ADAM9: variants seen among roughly 807,000 people sequenced by gnomAD.
ADAM9 encodes the protein disintegrin and metalloproteinase domain-containing protein 9.
Under a neutral mutation model 108.1 loss-of-function variants are expected in ADAM9, and 54 were observed. The observed-to-expected ratio is 0.50, with a 90% CI of 0.40 to 0.63. ADAM9 has a LOEUF of 0.63. ADAM9 is among the 20% of genes least tolerant of loss of function. The probability of loss-of-function intolerance (pLI) is 0.00; values close to 1 mark genes in which losing one functional copy is unlikely to be tolerated. For synonymous variants in ADAM9, 316 were observed against 336.0 expected, an observed-to-expected ratio of 0.94 and a Z score of 0.65; for missense variants, 830 against 997.7, an observed-to-expected ratio of 0.83 and a Z score of 2.26.
At chr8:39,049,312 A>G (rs547544341) in intron 12 of ADAM9, among the ~76,000 whole-genome samples, 1 of 152,212 alleles carries the variant, frequency 6.6e-6, no homozygotes, top group Admixed American at 6.5e-5. Context: ...AGTATTTTTA[A>G]GCTGATAACA....
rs111473491 is a variant in ADAM9 at position 39,103,795 on chromosome 8, C to T, written c.*95C>T. Reference sequence around the variant, plus strand: ...TTCTTGAAAAGCCTTTCTGTTGCAACTATGAATGAAAACAAAACACCACAA... The same window carrying T: ...TTCTTGAAAAGCCTTTCTGTTGCAATTATGAATGAAAACAAAACACCACAA... On this transcript the variant is annotated 3_prime_UTR_variant, in exon 22 of 22. Coordinates refer to ENST00000487273, the MANE Select transcript of ADAM9 (RefSeq NM_003816.3). 2 of 1,218,074 alleles carry T rather than the reference C, an allele frequency of 1.6e-6. No individual in the cohort carries two copies. The highest frequency in any genetic ancestry group is 2.5e-5 in the South Asian group (2 of 81,570). The allele number at this position is 1,218,074 out of a possible 1,614,324, so 75.5% of individuals were successfully genotyped here.
intron 14 of ADAM9, among the ~76,000 whole-genome samples, chr8:39,063,822 C>T (rs1203858403): frequency 6.6e-6 from 1 of 152,132 alleles, no homozygotes; most frequent in East Asian, 1.9e-4. Context: ...GATCCAGTTC[C>T]TTATTGATCA....
intron 11 of ADAM9, among the ~76,000 whole-genome samples, chr8:39,033,032 A>C (rs1025003144): frequency 6.6e-5 from 10 of 152,302 alleles, no homozygotes; most frequent in African/African-American, 2.4e-4. Context: ...TGACATCTTA[A>C]TATTGAGTCT....
At chr8:39,101,824 C>G in intron 20 of ADAM9, 39 bp from the exon 21 acceptor site, 1 of 1,453,458 alleles carries the variant, frequency 6.9e-7, no homozygotes, top group Non-Finnish European at 9.6e-7. Context: ...TATTTATGAG[C>G]ACATAGTGGT....
At chr8:39,066,095 G>A (rs1384182926) in intron 14 of ADAM9, among the ~76,000 whole-genome samples, 4 of 152,154 alleles carry the variant, frequency 2.6e-5, no homozygotes, top group African/African-American at 9.7e-5. Flanking sequence ...CCTTTTTCAT[G>A]GCTGCATAAT....
At chr8:39,071,243 A>C in intron 14 of ADAM9, 55 bp from the exon 15 acceptor site, 1 of 1,549,572 alleles carries the variant, frequency 6.5e-7, no homozygotes, top group Non-Finnish European at 8.9e-7. Context: ...CTTTTATTTC[A>C]AAAGCTAAAT....
At chr8:39,055,094 G>T (rs2129438726) in intron 13 of ADAM9, among the ~76,000 whole-genome samples, 1 of 152,046 alleles carries the variant, frequency 6.6e-6, no homozygotes, top group Non-Finnish European at 1.5e-5. Context: ...TTGTATAGTT[G>T]TACCATAATT....
intron 20 of ADAM9, among the ~76,000 whole-genome samples, chr8:39,100,931 C>T (rs1483869947): frequency 6.6e-6 from 1 of 152,178 alleles, no homozygotes; most frequent in Admixed American, 6.5e-5. Flanking sequence ...TATACAGTTT[C>T]ACTTTGTTGT....
In ADAM9 at chr8:39,040,710, A is replaced by G. The variant is rs528381404; in HGVS notation, c.1131-1236A>G. Among the ~76,000 whole-genome samples the G allele has an allele frequency of 8.4e-4, 128 of 152,312 alleles. 1 individual carries two copies. Among genetic ancestry groups the G allele is most frequent in the African/African-American group, 3.0e-3 (123 of 41,568 alleles). ...TGCAGAGCTTTTTAGTTTGATAGCT[A>G]TAGTAATCAAAACAGCATGGTAGTG... On this transcript the variant is annotated intron_variant, in intron 11 of 21. Coordinates refer to ENST00000487273, the MANE Select transcript of ADAM9 (RefSeq NM_003816.3).
At chr8:38,998,984 T>C (rs1835915097) in intron 1 of ADAM9, among the ~76,000 whole-genome samples, 1 of 151,944 alleles carries the variant, frequency 6.6e-6, no homozygotes, top group African/African-American at 2.4e-5. Flanking sequence ...CTAATCTCAT[T>C]TTCTGTTAAG....
chr8:39,022,623 A>G (rs1282348117), intron 8 of ADAM9, among the ~76,000 whole-genome samples: 1 of 152,150 alleles, frequency 6.6e-6, no homozygotes, highest in Non-Finnish European at 1.5e-5. Flanking sequence ...AGTTTGTCAG[A>G]TTTTAGAATA....
intron 12 of ADAM9, among the ~76,000 whole-genome samples, chr8:39,045,095 TGTGTGTGTGC>T (rs1837614431): frequency 7.9e-5 from 2 of 25,332 alleles, no homozygotes; most frequent in African/African-American, 3.5e-4. Context: ...TACATACATA[TGTGTGTGTGC>T]ATACATACAT....
At chr8:39,004,312 C>G (rs1184479286) in intron 1 of ADAM9, among the ~76,000 whole-genome samples, 2 of 151,804 alleles carry the variant, frequency 1.3e-5, no homozygotes, top group African/African-American at 4.8e-5. Flanking sequence ...CTCCCAGGCT[C>G]AGGTGATCCT....
chr8:39,042,356 T>A (rs1187683479), intron 12 of ADAM9, among the ~76,000 whole-genome samples: 1 of 152,218 alleles, frequency 6.6e-6, no homozygotes, highest in African/African-American at 2.4e-5. Flanking sequence ...ATTCTCTACT[T>A]TTTTAATGCT....
At chr8:39,063,759 A>G (rs972701017) in intron 14 of ADAM9, among the ~76,000 whole-genome samples, 1 of 152,194 alleles carries the variant, frequency 6.6e-6, no homozygotes, top group African/African-American at 2.4e-5. Context: ...TTTAGAGCTC[A>G]GTGTACCCAG....
Position 39,103,695 on chromosome 8 carries a change from A to G in ADAM9, c.2455A>G (p.Thr819Ala). ...APAPPLYSSL[T>A] ...TGCACCTCCTTTATATAGTTCCCTCACTTGATTTTTTTAACCTTCTTTTTG... is the reference window on the plus strand; with the variant it reads ...TGCACCTCCTTTATATAGTTCCCTCGCTTGATTTTTTTAACCTTCTTTTTG... The change falls in exon 22 of 22, where the codon ACT becomes GCT. Residue 819 changes from threonine to alanine, a missense_variant. Physicochemically the swap from Thr to Ala is moderately conservative, Grantham distance 58. Transcript: ENST00000487273. The G allele has an allele frequency of 1.2e-6, 2 of 1,612,994 alleles. No individual in the cohort carries two copies. Among genetic ancestry groups the G allele is most frequent in the Non-Finnish European group, 1.7e-6 (2 of 1,179,562 alleles).
At chr8:39,092,035 T>A (rs1839372614) in intron 20 of ADAM9, among the ~76,000 whole-genome samples, 2 of 152,224 alleles carry the variant, frequency 1.3e-5, no homozygotes, top group Admixed American at 1.3e-4. Flanking sequence ...GCTGTAGGAC[T>A]GATAGTCACT....
intron 10 of ADAM9, 110 bp downstream of exon 10, chr8:39,025,994 T>C (rs943477022): frequency 8.8e-7 from 1 of 1,134,710 alleles, no homozygotes; most frequent in Non-Finnish European, 1.3e-6. Context: ...TTGGGTGTTA[T>C]GAGGAACACA....
At chr8:39,084,266 C>T (rs528215299) in intron 18 of ADAM9, among the ~76,000 whole-genome samples, 1 of 150,492 alleles carries the variant, frequency 6.6e-6, no homozygotes, top group East Asian at 1.9e-4. Flanking sequence ...TATATTTTCT[C>T]TTAGTCTGCT....
Sources: allele counts gnomAD v4.1 joint callset (sites outside exome capture counted in the v4.1 genomes callset), GRCh38; gene constraint gnomAD v4.1.1; transcripts MANE v1.5; gene names NCBI Gene and HGNC (gene_info 2026-07-23, HGNC 2026-07-21).